PLD5: variants seen among roughly 807,000 people sequenced by gnomAD.
PLD5 encodes the protein inactive phospholipase D5.
In PLD5, 36 loss-of-function variants were observed where a neutral mutation model predicts 61.1. That is an observed-to-expected ratio of 0.59 (90% CI 0.45 to 0.78). The LOEUF (loss-of-function observed/expected upper bound fraction) is 0.78. Among genes scored for constraint, PLD5 ranks in the 30% least tolerant of loss-of-function variants. The probability of loss-of-function intolerance (pLI) is 0.00; values close to 1 mark genes in which losing one functional copy is unlikely to be tolerated. For synonymous variants in PLD5, 243 were observed against 242.8 expected (o/e 1.00, Z -0.01); for missense variants, 515 against 644.4 (o/e 0.80, Z 2.17).
chr1:242,283,234 C>T (rs1464832671), intron 3 of PLD5, among the ~76,000 whole-genome samples: 4 of 151,684 alleles, frequency 2.6e-5, no homozygotes, highest in Non-Finnish European at 5.9e-5. Context: ...AAAATGTGTG[C>T]AAAATAAAAA....
chr1:242,108,442 A>C (rs1310043414), intron 7 of PLD5, among the ~76,000 whole-genome samples: 1 of 151,972 alleles, frequency 6.6e-6, no homozygotes, highest in Non-Finnish European at 1.5e-5. Flanking sequence ...CTGAATCCTT[A>C]AGCCTTTGCC....
intron 4 of PLD5, among the ~76,000 whole-genome samples, chr1:242,229,644 T>C (rs1433493371): frequency 6.6e-6 from 1 of 152,214 alleles, no homozygotes; most frequent in African/African-American, 2.4e-5. Context: ...TTATCATGAA[T>C]GGAACAGCTT....
intron 4 of PLD5, among the ~76,000 whole-genome samples, chr1:242,225,638 T>A (rs538201744): frequency 6.6e-6 from 1 of 152,244 alleles, no homozygotes; most frequent in African/African-American, 2.4e-5. Context: ...TTGAGTGATA[T>A]TTCATGGTAT....
At chr1:242,520,248 T>C (rs1669236809) in intron 1 of PLD5, among the ~76,000 whole-genome samples, 1 of 152,188 alleles carries the variant, frequency 6.6e-6, no homozygotes, top group South Asian at 2.1e-4. Flanking sequence ...AGAATGGAGC[T>C]TCCATTGGGC....
At chr1:242,486,661 C>T (rs1667972368) in intron 1 of PLD5, among the ~76,000 whole-genome samples, 1 of 152,126 alleles carries the variant, frequency 6.6e-6, no homozygotes, top group Admixed American at 6.5e-5. Context: ...GGCGATTCCT[C>T]AGGGATCTAG....
At chr1:242,156,477 C>T (rs1174462695) in intron 5 of PLD5, among the ~76,000 whole-genome samples, 3 of 151,856 alleles carry the variant, frequency 2.0e-5, no homozygotes, top group Non-Finnish European at 4.4e-5. Context: ...TATGTTTTTG[C>T]AGTGGCTGGT....
chr1:242,217,495 A>C (rs528448175), intron 5 of PLD5, among the ~76,000 whole-genome samples: 1 of 151,450 alleles, frequency 6.6e-6, no homozygotes, highest in African/African-American at 2.5e-5. Context: ...GTGGTGGTAC[A>C]TGCCTGTAAT....
intron 1 of PLD5, among the ~76,000 whole-genome samples, chr1:242,386,670 C>T (rs969934028): frequency 1.3e-5 from 2 of 152,070 alleles, no homozygotes; most frequent in African/African-American, 2.4e-5. Flanking sequence ...TTCTCTAGAA[C>T]AGGCTAAAAA....
At chr1:242,501,474 G>A (rs778859300) in intron 1 of PLD5, among the ~76,000 whole-genome samples, 4 of 152,138 alleles carry the variant, frequency 2.6e-5, no homozygotes, top group Non-Finnish European at 4.4e-5. Context: ...CCTTAGCTTT[G>A]CCAGATTTGT....
intron 1 of PLD5, among the ~76,000 whole-genome samples, chr1:242,399,729 G>A (rs1204705381): frequency 6.6e-6 from 1 of 152,086 alleles, no homozygotes; most frequent in Non-Finnish European, 1.5e-5. Flanking sequence ...TAGGAACTGA[G>A]CCCCACAGTA....
At chr1:242,266,685 C>T (rs1673694783) in intron 3 of PLD5, among the ~76,000 whole-genome samples, 1 of 152,196 alleles carries the variant, frequency 6.6e-6, no homozygotes, top group South Asian at 2.1e-4. Flanking sequence ...TCTTAATGGC[C>T]CCACAGTGGC....
chr1:242,133,040 C>T (rs1222831849), intron 5 of PLD5, among the ~76,000 whole-genome samples: 2 of 150,144 alleles, frequency 1.3e-5, no homozygotes, highest in Admixed American at 1.3e-4. Flanking sequence ...CCCCCGCACA[C>T]CGCCCACACC....
intron 3 of PLD5, among the ~76,000 whole-genome samples, chr1:242,269,800 T>C (rs184180687): frequency 3.3e-5 from 5 of 152,016 alleles, no homozygotes; most frequent in Admixed American, 1.3e-4. Flanking sequence ...CAGGAGTCGC[T>C]CTCTTCCTGG....
At chr1:242,359,096 G>A (rs1412467585) in intron 1 of PLD5, among the ~76,000 whole-genome samples, 2 of 145,822 alleles carry the variant, frequency 1.4e-5, no homozygotes, top group Non-Finnish European at 3.0e-5. Context: ...CTCTGATCAC[G>A]GTACTGCTGG....
intron 1 of PLD5, among the ~76,000 whole-genome samples, chr1:242,349,036 AGAGC>A (rs2149221343): frequency 1.3e-5 from 2 of 152,320 alleles, no homozygotes; most frequent in South Asian, 4.1e-4. Flanking sequence ...CCTGGGTGAC[AGAGC>A]GAGACTCCAT....
At position 242,458,137 on chromosome 1, in the gene PLD5, G is replaced by A. The variant is rs374986870; in HGVS notation, c.189+65951C>T. Among the ~76,000 whole-genome samples, 73 of 152,258 alleles carry A rather than the reference G, an allele frequency of 4.8e-4. 1 individual carries two copies. Among genetic ancestry groups the A allele is most frequent in the African/African-American group, 1.7e-3 (69 of 41,552 alleles). The stretch of plus-strand genomic sequence containing the variant: ...TATCGGGGCTCTCATTAAAACCTCT[G>A]AGGCAAATCAAAACAGGAATCACTG... On this transcript the variant is annotated intron_variant, in intron 1 of 9. Transcript: ENST00000536534.
chr1:242,180,946 G>A (rs1667477639), intron 5 of PLD5, among the ~76,000 whole-genome samples: 2 of 152,056 alleles, frequency 1.3e-5, no homozygotes, highest in Admixed American at 6.6e-5. Context: ...TCATGCCACT[G>A]CACTCCAGCC....
intron 3 of PLD5, among the ~76,000 whole-genome samples, chr1:242,280,724 G>A (rs1440301512): frequency 6.6e-6 from 1 of 152,054 alleles, no homozygotes; most frequent in Non-Finnish European, 1.5e-5. Flanking sequence ...ATGCTATGAT[G>A]TTATTTTCTT....
At chr1:242,323,023 A>T (rs1267749497) in intron 2 of PLD5, among the ~76,000 whole-genome samples, 1 of 152,214 alleles carries the variant, frequency 6.6e-6, no homozygotes, top group African/African-American at 2.4e-5. Flanking sequence ...ATGTCTAACC[A>T]TGCCTGGCAT....
Sources: gnomAD v4.1 joint callset for allele counts (sites outside exome capture counted in the v4.1 genomes callset) on GRCh38, gnomAD v4.1.1 for gene constraint, MANE v1.5 for transcripts, NCBI Gene and HGNC (gene_info 2026-07-23, HGNC 2026-07-21) for gene names.